The following TMEM71 variants were observed in gnomAD, a reference collection of about 807,000 sequenced individuals.
TMEM71 encodes transmembrane protein 71.
TMEM71 carries 44 observed loss-of-function variants against 38.0 expected under a neutral mutation model. The ratio of observed to expected loss-of-function variants is 1.16; its 90% CI spans 0.91 to 1.49. The LOEUF (loss-of-function observed/expected upper bound fraction) is 1.49, where lower values mean the gene tolerates loss of function less well. Ranked by LOEUF, TMEM71 falls within the 40% of genes most tolerant of loss-of-function variation. The pLI, the probability that TMEM71 is intolerant of heterozygous loss-of-function variation, is 0.00. For synonymous variants in TMEM71, 133 were observed against 122.5 expected (o/e 1.09, Z -0.56); for missense variants, 367 against 348.6 (o/e 1.05, Z -0.42).
At position 132,714,148 on chromosome 8, in the gene TMEM71, A is replaced by G. The variant is rs1198885935; in HGVS notation, c.814+6T>C. The G allele has an allele frequency of 1.2e-6, 2 of 1,612,570 alleles. No homozygotes were observed. The highest frequency in any genetic ancestry group is 3.3e-5 in the Admixed American group (2 of 60,030). On this transcript the variant is annotated splice_donor_region_variant and intron_variant, in intron 8 of 9. Transcript: ENST00000677595. ...CATTGCAGTAATCTGGGAAACAGTT[A>G]CTTACAAGCTACAGTTATCATCAAT...
At chr8:132,734,104 A>G (rs930458890) in intron 5 of TMEM71, among the ~76,000 whole-genome samples, 1 of 152,104 alleles carries the variant, frequency 6.6e-6, no homozygotes, top group African/African-American at 2.4e-5. Context: ...TAGTACCTGT[A>G]GTTAACAACA....
At chr8:132,735,083 T>TA (rs1270064319) in intron 5 of TMEM71, among the ~76,000 whole-genome samples, 1 of 152,118 alleles carries the variant, frequency 6.6e-6, no homozygotes, top group East Asian at 1.9e-4. Context: ...CTGGCAGAAA[T>TA]AGAGTCCATC....
intron 2 of TMEM71, 105 bp from the exon 3 acceptor site, chr8:132,757,399 TAAG>T: frequency 1.3e-6 from 1 of 791,688 alleles, no homozygotes; most frequent in Non-Finnish European, 2.1e-6. Flanking sequence ...TGGAGGCATG[TAAG>T]AAGATGGGAA....
upstream of TMEM71, among the ~76,000 whole-genome samples, chr8:132,762,800 C>T (rs1034916171): frequency 2.0e-5 from 3 of 152,162 alleles, no homozygotes; most frequent in African/African-American, 4.8e-5. Context: ...TCATATCCAA[C>T]GTGTGTCAGC....
chr8:132,763,519 G>A (rs1202227328), upstream of TMEM71, among the ~76,000 whole-genome samples: 1 of 152,182 alleles, frequency 6.6e-6, no homozygotes, highest in Non-Finnish European at 1.5e-5. Context: ...TGATGCGTGT[G>A]GATGGGGAAA....
chr8:132,728,230 AGAG>A (rs1281431731), intron 5 of TMEM71, among the ~76,000 whole-genome samples: 1 of 152,196 alleles, frequency 6.6e-6, no homozygotes, highest in African/African-American at 2.4e-5. Flanking sequence ...ATAAAGAAAA[AGAG>A]ATTTAATGGA....
At chr8:132,771,154 A>G in the TMEM71 span, among the ~76,000 whole-genome samples, 1 of 152,216 alleles carries the variant, frequency 6.6e-6, no homozygotes, top group Non-Finnish European at 1.5e-5. Context: ...TTCTATTTAT[A>G]AAATCTTTAC....
At chr8:132,711,067 C>T (rs375653283) in intron 9 of TMEM71, 85 bp from the exon 10 acceptor site, 44 of 1,311,682 alleles carry the variant, frequency 3.4e-5, no homozygotes, top group Admixed American at 1.0e-4. Flanking sequence ...TACCCATTTG[C>T]GCATATATAA....
At chr8:132,720,008 C>G (rs918728966) in intron 7 of TMEM71, among the ~76,000 whole-genome samples, 2 of 152,118 alleles carry the variant, frequency 1.3e-5, no homozygotes, top group Non-Finnish European at 2.9e-5. Flanking sequence ...GAAAGTCCTG[C>G]TCAGATAATG....
intron 5 of TMEM71, among the ~76,000 whole-genome samples, chr8:132,730,578 A>G (rs1895809): frequency 0.17 from 26,115 of 152,120 alleles, 2,714 homozygotes; most frequent in East Asian, 0.38. Flanking sequence ...AGGAGGCATG[A>G]TGTTTGGAGA....
chr8:132,772,088 G>A, the TMEM71 span, among the ~76,000 whole-genome samples: 2 of 152,112 alleles, frequency 1.3e-5, no homozygotes, highest in Admixed American at 1.3e-4. Flanking sequence ...AATGCTAATT[G>A]TAAATATTAA....
At chr8:132,713,352 T>C (rs1276502711) in intron 9 of TMEM71, among the ~76,000 whole-genome samples, 3 of 152,064 alleles carry the variant, frequency 2.0e-5, no homozygotes, top group Non-Finnish European at 2.9e-5. Flanking sequence ...CTAAACCCCA[T>C]TGTGATTTCA....
chr8:132,751,697 A>C, intron 4 of TMEM71, 88 bp downstream of exon 4: 2 of 1,316,464 alleles, frequency 1.5e-6, no homozygotes, highest in Non-Finnish European at 2.2e-6. Context: ...GGCTCCTTAT[A>C]AAAGATAGTT....
chr8:132,757,100 G>A (rs1352600802), intron 3 of TMEM71, 134 bp downstream of exon 3: 1 of 449,552 alleles, frequency 2.2e-6, no homozygotes, highest in Non-Finnish European at 4.2e-6. Flanking sequence ...GTTTCACCGT[G>A]TTAGCCAGGA....
chr8:132,739,554 G>T (rs932324613), intron 5 of TMEM71, among the ~76,000 whole-genome samples: 1 of 151,946 alleles, frequency 6.6e-6, no homozygotes, highest in African/African-American at 2.4e-5. Flanking sequence ...CTCGTGATCC[G>T]CCTGCCTCGG....
At chr8:132,754,783 A>C (rs1368479463) in intron 3 of TMEM71, among the ~76,000 whole-genome samples, 1 of 152,204 alleles carries the variant, frequency 6.6e-6, no homozygotes, top group Non-Finnish European at 1.5e-5. Context: ...TATCCCTGGA[A>C]TCTCTATGTC....
the TMEM71 span, among the ~76,000 whole-genome samples, chr8:132,773,079 G>C: frequency 1.3e-5 from 2 of 152,184 alleles, no homozygotes; most frequent in African/African-American, 2.4e-5. Context: ...ATTATAAACA[G>C]GTTTTTCACC....
At chr8:132,717,117 G>A (rs1257678912) in intron 7 of TMEM71, among the ~76,000 whole-genome samples, 1 of 152,144 alleles carries the variant, frequency 6.6e-6, no homozygotes, top group African/African-American at 2.4e-5. Context: ...AAATGTAAGA[G>A]CTAAAACTAT....
intron 3 of TMEM71, among the ~76,000 whole-genome samples, chr8:132,752,886 A>T (rs1467917360): frequency 1.4e-5 from 2 of 144,076 alleles, no homozygotes; most frequent in Non-Finnish European, 3.0e-5. Context: ...GAAGGAAGGA[A>T]GGAATCACAT....
Sources: gnomAD v4.1 joint callset for allele counts (sites outside exome capture counted in the v4.1 genomes callset) on GRCh38, gnomAD v4.1.1 for gene constraint, MANE v1.5 for transcripts, NCBI Gene and HGNC (gene_info 2026-07-23, HGNC 2026-07-21) for gene names.